The following LGSN variants were observed in gnomAD, a reference collection of about 807,000 sequenced individuals.
LGSN encodes the protein lengsin.
LGSN carries 21 observed loss-of-function variants against 19.5 expected under a neutral mutation model. That is an observed-to-expected ratio of 1.07 (90% CI 0.76 to 1.55). The LOEUF (loss-of-function observed/expected upper bound fraction) is 1.55. LGSN is among the 40% of genes most tolerant of loss of function. The pLI is 0.00. For missense variants in LGSN, 673 were observed against 608.5 expected (o/e 1.11, Z -1.12); for synonymous variants, 257 against 215.6 (o/e 1.19, Z -1.68).
chr6:63,536,335 A>AAAAAGG, the LGSN span, among the ~76,000 whole-genome samples: 3 of 152,202 alleles, frequency 2.0e-5, no homozygotes, highest in Non-Finnish European at 4.4e-5. Flanking sequence ...TGTCTCAAAA[A>AAAAAGG]AAAAGGAAAA....
chr6:63,526,948 C>G, the LGSN span, among the ~76,000 whole-genome samples: 9 of 151,662 alleles, frequency 5.9e-5, no homozygotes, highest in African/African-American at 2.2e-4. Flanking sequence ...ATGTTATGCA[C>G]TTCTTCAAAA....
chr6:63,412,517 A>G, the LGSN span, among the ~76,000 whole-genome samples: 930 of 100,954 alleles, frequency 9.2e-3, 7 homozygotes, highest in Non-Finnish European at 0.013. Context: ...AAAGAAAGAA[A>G]GAAAGAAAGA....
chr6:63,292,597 T>C (rs2127386999), intron 2 of LGSN, among the ~76,000 whole-genome samples: 1 of 152,308 alleles, frequency 6.6e-6, no homozygotes, highest in South Asian at 2.1e-4. Context: ...CAGTTAACCA[T>C]GAAGCCCCAG....
chr6:63,566,728 T>C, the LGSN span, among the ~76,000 whole-genome samples: 1 of 152,142 alleles, frequency 6.6e-6, no homozygotes, highest in Non-Finnish European at 1.5e-5. Flanking sequence ...TTTCTTGAAA[T>C]AAGACAATGG....
chr6:63,376,228 C>A, the LGSN span, among the ~76,000 whole-genome samples: 1 of 152,104 alleles, frequency 6.6e-6, no homozygotes, highest in Non-Finnish European at 1.5e-5. Flanking sequence ...AGAGAAAAAG[C>A]TTTCTATTTC....
chr6:63,467,095 T>C, the LGSN span, among the ~76,000 whole-genome samples: 5 of 151,630 alleles, frequency 3.3e-5, no homozygotes, highest in African/African-American at 4.8e-5. Flanking sequence ...CATTAAAGGG[T>C]CCAGGAAATG....
the LGSN span, among the ~76,000 whole-genome samples, chr6:63,511,545 C>T: frequency 1.1e-4 from 16 of 152,070 alleles, no homozygotes; most frequent in Non-Finnish European, 1.8e-4. Context: ...CATGAGCCAC[C>T]GCACCCAGCC....
At chr6:63,505,613 G>GAAATAAAT in the LGSN span, among the ~76,000 whole-genome samples, 117 of 102,070 alleles carry the variant, frequency 1.1e-3, 9 homozygotes, top group South Asian at 4.4e-3. Flanking sequence ...AAGAAAGAAA[G>GAAATAAAT]AAAGAAAGAA....
the LGSN span, chr6:63,549,456 G>C: frequency 6.3e-6 from 5 of 794,168 alleles, no homozygotes; most frequent in African/African-American, 3.4e-5. Flanking sequence ...GCTTCTTCAC[G>C]ACAGCAGGGC....
chr6:63,405,929 A>G, the LGSN span, among the ~76,000 whole-genome samples: 1 of 152,304 alleles, frequency 6.6e-6, no homozygotes, highest in South Asian at 2.1e-4. Context: ...AGAGACAAAG[A>G]AGGCCATTAC....
chr6:63,460,726 C>T, the LGSN span, among the ~76,000 whole-genome samples: 2 of 152,134 alleles, frequency 1.3e-5, no homozygotes, highest in Admixed American at 6.5e-5. Flanking sequence ...ATCAGGCTTG[C>T]GGATTTTTCC....
chr6:63,487,919 G>T, the LGSN span, among the ~76,000 whole-genome samples: 2 of 151,816 alleles, frequency 1.3e-5, no homozygotes, highest in Admixed American at 6.6e-5. Flanking sequence ...GATGGAGGTT[G>T]CAGTGAGCCG....
chr6:63,464,169 A>G, the LGSN span, among the ~76,000 whole-genome samples: 90 of 152,226 alleles, frequency 5.9e-4, no homozygotes, highest in African/African-American at 2.1e-3. Flanking sequence ...AAGTTTAAAG[A>G]AAAAATGTGA....
chr6:63,388,044 T>G, the LGSN span, among the ~76,000 whole-genome samples: 2 of 151,348 alleles, frequency 1.3e-5, no homozygotes, highest in Admixed American at 6.6e-5. Flanking sequence ...TTTTTTGTTT[T>G]TTTTTTTTTT....
chr6:63,531,989 C>A, the LGSN span, among the ~76,000 whole-genome samples: 12 of 152,118 alleles, frequency 7.9e-5, no homozygotes, highest in East Asian at 1.5e-3. Context: ...TTAGTAGAGA[C>A]GGGGTTTCAC....
chr6:63,387,313 C>A, the LGSN span, among the ~76,000 whole-genome samples: 2 of 152,070 alleles, frequency 1.3e-5, no homozygotes, highest in Admixed American at 6.6e-5. Flanking sequence ...AAAAATGCAT[C>A]GGTACTGAAT....
At chr6:63,490,948 G>A in the LGSN span, among the ~76,000 whole-genome samples, 4 of 152,136 alleles carry the variant, frequency 2.6e-5, no homozygotes, top group African/African-American at 9.6e-5. Flanking sequence ...AAGAGACAGT[G>A]AATTCATCCT....
At chr6:63,368,113 GC>G in the LGSN span, among the ~76,000 whole-genome samples, 2 of 146,632 alleles carry the variant, frequency 1.4e-5, no homozygotes, top group Non-Finnish European at 3.0e-5. Flanking sequence ...AAAAAAAGAA[GC>G]CAGAAAAAAA....
the LGSN span, among the ~76,000 whole-genome samples, chr6:63,552,116 A>G: frequency 3.3e-5 from 5 of 152,196 alleles, no homozygotes; most frequent in African/African-American, 4.8e-5. Flanking sequence ...AGGAATCGCC[A>G]CACTGACTTC....
Sources: gnomAD v4.1 joint callset for allele counts (sites outside exome capture counted in the v4.1 genomes callset) on GRCh38, gnomAD v4.1.1 for gene constraint, MANE v1.5 for transcripts, NCBI Gene and HGNC (gene_info 2026-07-23, HGNC 2026-07-21) for gene names.